ANO2: variants seen among roughly 807,000 people sequenced by gnomAD.
The protein encoded by ANO2 is anoctamin 2.
ANO2 carries 101 observed loss-of-function variants against 124.2 expected under a neutral mutation model. That is an observed-to-expected ratio of 0.81 (90% CI 0.69 to 0.96). The LOEUF (loss-of-function observed/expected upper bound fraction) is 0.96. Among genes scored for constraint, ANO2 ranks in the 40% least tolerant of loss-of-function variants. ANO2 has a pLI of 0.00. For missense variants in ANO2, 1,293 were observed against 1,274.5 expected (o/e 1.01, Z -0.22); for synonymous variants, 486 against 482.5 (o/e 1.01, Z -0.09).
chr12:5,587,816 A>G (rs1197628017), intron 20 of ANO2, among the ~76,000 whole-genome samples: 1 of 150,064 alleles, frequency 6.7e-6, no homozygotes, highest in Admixed American at 6.6e-5. Context: ...GAGGCTCCCC[A>G]CCCCCATGCA....
At chr12:5,673,950 G>A (rs1188954242) in intron 14 of ANO2, among the ~76,000 whole-genome samples, 1 of 152,152 alleles carries the variant, frequency 6.6e-6, no homozygotes, top group Non-Finnish European at 1.5e-5. Context: ...GGAGTGAGAA[G>A]TCCTCTTCCA....
At chr12:5,867,778 GAAAAAA>G (rs10622876) in intron 3 of ANO2, among the ~76,000 whole-genome samples, 15 of 78,550 alleles carry the variant, frequency 1.9e-4, no homozygotes, top group African/African-American at 6.1e-4. Flanking sequence ...GCACTATAAT[GAAAAAA>G]AAAAAAAAAA....
chr12:5,699,255 T>C (rs1949310564), intron 14 of ANO2, among the ~76,000 whole-genome samples: 1 of 152,078 alleles, frequency 6.6e-6, no homozygotes, highest in Non-Finnish European at 1.5e-5. Context: ...CAGCAGAAAC[T>C]CTACAAGCCA....
intron 4 of ANO2, among the ~76,000 whole-genome samples, chr12:5,841,366 ACT>A (rs1954508475): frequency 6.6e-6 from 1 of 152,090 alleles, no homozygotes; most frequent in South Asian, 2.1e-4. Context: ...CAGCAACAAC[ACT>A]GAGTGTAGAC....
rs906574025 is a variant in ANO2 at position 5,818,168 on chromosome 12, T to C, written c.892+9601A>G. 6.8e-4 allele frequency among the ~76,000 whole-genome samples: 5 copies of C among 7,302 alleles called. No individual in the cohort carries two copies. In the Admixed American group the frequency reaches 0.012, roughly 17 times the overall value. 4.8% of individuals were successfully genotyped at this position (7,302 alleles called of 152,430 possible). Reference sequence around the variant, plus strand: ...ATCCTGGGTGTGTCTGTGAGGGTGTTGCCAAAGATTAACATTTGAGTCAGT... The same window carrying C: ...ATCCTGGGTGTGTCTGTGAGGGTGTCGCCAAAGATTAACATTTGAGTCAGT... On this transcript the variant is annotated intron_variant, in intron 7 of 24. Coordinates refer to ENST00000682330, the MANE Select transcript of ANO2 (RefSeq NM_001364791.2).
intron 7 of ANO2, among the ~76,000 whole-genome samples, chr12:5,815,519 C>T (rs1309448020): frequency 6.6e-6 from 1 of 152,042 alleles, no homozygotes; most frequent in Non-Finnish European, 1.5e-5. Context: ...TATATGTAGA[C>T]ATGTTCTACA....
At chr12:5,588,333 AG>A (rs1398961211) in intron 20 of ANO2, among the ~76,000 whole-genome samples, 3 of 152,200 alleles carry the variant, frequency 2.0e-5, no homozygotes, top group African/African-American at 7.2e-5. Context: ...AGGTCTAGCC[AG>A]TTAGGAAGGA....
At chr12:5,755,268 GCCTTATAATGGTTC>G (rs1951544246) in intron 10 of ANO2, among the ~76,000 whole-genome samples, 2 of 151,598 alleles carry the variant, frequency 1.3e-5, no homozygotes, top group Admixed American at 6.6e-5. Flanking sequence ...TCCACTAGTA[GCCTTATAATGGTTC>G]CCTTGTTTGT....
intron 10 of ANO2, among the ~76,000 whole-genome samples, chr12:5,767,763 T>C (rs1951941376): frequency 6.6e-6 from 1 of 152,192 alleles, no homozygotes; most frequent in Admixed American, 6.5e-5. Context: ...AGGTAGCAGC[T>C]AGGTGCAGGT....
At chr12:5,684,846 C>T (rs1225707635) in intron 14 of ANO2, among the ~76,000 whole-genome samples, 1 of 152,192 alleles carries the variant, frequency 6.6e-6, no homozygotes, top group Non-Finnish European at 1.5e-5. Flanking sequence ...AACAGTGGTT[C>T]ACAGCACAGG....
rs1940143248 is a variant in ANO2 at position 5,900,799 on chromosome 12, G to A, written c.534+20241C>T. The stretch of plus-strand genomic sequence containing the variant: ...ATCTGCTGAGTATTTAATTAGAACT[G>A]GTGATGGCTGTTTGGAAAGAGTCAA... On this transcript the variant is annotated intron_variant, in intron 3 of 24. Coordinates refer to ENST00000682330, the MANE Select transcript of ANO2 (RefSeq NM_001364791.2). This position sits in a 1 kb window ranked among gnomAD's most constrained non-coding sequence, Gnocchi z 4.2. Among the ~76,000 whole-genome samples, 1 of 152,108 alleles carries A rather than the reference G, an allele frequency of 6.6e-6. No individual in the cohort carries two copies. The highest frequency in any genetic ancestry group is 1.5e-5 in the Non-Finnish European group (1 of 68,036).
intron 3 of ANO2, among the ~76,000 whole-genome samples, chr12:5,872,091 T>C (rs1206255175): frequency 6.6e-6 from 1 of 152,216 alleles, no homozygotes; most frequent in Non-Finnish European, 1.5e-5. Context: ...CAGCTCTTAA[T>C]GGGGACAGGT....
intron 14 of ANO2, among the ~76,000 whole-genome samples, chr12:5,657,824 G>GCA (rs10664845): frequency 0.59 from 89,843 of 151,836 alleles, 28,030 homozygotes; most frequent in East Asian, 0.96. Flanking sequence ...TCACAGAATG[G>GCA]CATGTTCAAG....
chr12:5,712,826 C>T (rs939446592), intron 14 of ANO2, among the ~76,000 whole-genome samples: 12 of 152,090 alleles, frequency 7.9e-5, no homozygotes, highest in African/African-American at 2.2e-4. Context: ...CAGCCACCAA[C>T]GCATGACACA....
chr12:5,788,916 A>G (rs898815117), intron 10 of ANO2, among the ~76,000 whole-genome samples: 2 of 152,198 alleles, frequency 1.3e-5, no homozygotes, highest in Non-Finnish European at 2.9e-5. Context: ...TCCCACCTGG[A>G]TGCTGAGAGG....
chr12:5,719,500 C>T (rs189504493), intron 14 of ANO2, among the ~76,000 whole-genome samples: 2 of 152,036 alleles, frequency 1.3e-5, no homozygotes, highest in Admixed American at 6.5e-5. Context: ...GGAGCTCTGC[C>T]CTCATGAATG....
chr12:5,799,369 C>T, intron 10 of ANO2, 138 bp downstream of exon 10: 1 of 759,250 alleles, frequency 1.3e-6, no homozygotes, highest in Non-Finnish European at 2.2e-6. Context: ...CCATGAGACA[C>T]AGAGGAGTGG....
At chr12:5,932,825 A>C (rs1010619806) in intron 1 of ANO2, among the ~76,000 whole-genome samples, 5 of 152,208 alleles carry the variant, frequency 3.3e-5, no homozygotes, top group Non-Finnish European at 5.9e-5. Context: ...GATCCATGGA[A>C]GCAGAAGCCC....
At chr12:5,938,158 C>G (rs1464063927) in intron 1 of ANO2, among the ~76,000 whole-genome samples, 1 of 152,186 alleles carries the variant, frequency 6.6e-6, no homozygotes, top group Non-Finnish European at 1.5e-5. Flanking sequence ...CACATTCCTC[C>G]TCTCTGTGTT....
Sources: allele counts gnomAD v4.1 joint callset (sites outside exome capture counted in the v4.1 genomes callset), GRCh38; gene constraint gnomAD v4.1.1; non-coding constraint Gnocchi (gnomAD v3.1); transcripts MANE v1.5; gene names NCBI Gene and HGNC (gene_info 2026-07-23, HGNC 2026-07-21).